Variants in ROR1 observed in about 807,000 individuals in gnomAD.
The protein encoded by ROR1 is ROR family WNT receptor 1.
Under a neutral mutation model 78.8 loss-of-function variants are expected in ROR1, and 19 were observed. The observed-to-expected ratio is 0.24, with a 90% CI of 0.17 to 0.35. The LOEUF is 0.35. ROR1 is among the 10% of genes least tolerant of loss of function. ROR1 has a pLI of 1.00. For synonymous variants in ROR1, 386 were observed against 433.6 expected, an observed-to-expected ratio of 0.89 and a Z score of 1.36; for missense variants, 917 against 1,177.8, an observed-to-expected ratio of 0.78 and a Z score of 3.24.
Position 64,140,253 on chromosome 1 carries a change from G to A in ROR1, c.755G>A (p.Cys252Tyr). 1 of 1,614,150 alleles carries A rather than the reference G, an allele frequency of 6.2e-7. No individual in the cohort carries two copies. The highest frequency in any genetic ancestry group is 1.1e-5 in the South Asian group (1 of 91,088). Residue 252 changes from cysteine to tyrosine, a missense_variant, in exon 6 of 9, where the codon TGT (cysteine) becomes TAT (tyrosine). Cys to Tyr is a radical substitution (Grantham distance 194). Around this residue, in one of 3 missense-constraint regions of ROR1, gnomAD observed 835 missense variants for 1,069.8 expected, o/e 0.78. Transcript: ENST00000371079. ...PKPRDLCRDE[C>Y]EILENVLCQT... is the part of the protein sequence containing the mutation. ...CCCCGTGACTTGTGTCGCGATGAAT[G>A]TGAAATCCTGGAGAATGTCCTGTGT...
chr1:63,956,365 G>C (rs1645982086), intron 1 of ROR1, among the ~76,000 whole-genome samples: 1 of 152,178 alleles, frequency 6.6e-6, no homozygotes, highest in Non-Finnish European at 1.5e-5. Context: ...AGCTGAAGAG[G>C]AAAGTGGATG....
intron 1 of ROR1, among the ~76,000 whole-genome samples, chr1:63,949,955 C>G (rs565196170): frequency 6.6e-6 from 1 of 152,066 alleles, no homozygotes; most frequent in Non-Finnish European, 1.5e-5. Flanking sequence ...TTGTCTTGAC[C>G]TTCGTTTTGT....
At chr1:63,805,355 G>A (rs1330381827) in intron 1 of ROR1, among the ~76,000 whole-genome samples, 2 of 152,146 alleles carry the variant, frequency 1.3e-5, no homozygotes, top group Non-Finnish European at 2.9e-5. Flanking sequence ...GCCTCTGTGG[G>A]ATTTGTTTTC....
intron 1 of ROR1, among the ~76,000 whole-genome samples, chr1:63,859,038 A>G (rs947012861): frequency 2.0e-5 from 3 of 152,216 alleles, no homozygotes; most frequent in Non-Finnish European, 4.4e-5. Context: ...ACCTTTGTAC[A>G]AACTGCCCCT....
At chr1:64,150,343 C>A (rs1037978729) in intron 7 of ROR1, among the ~76,000 whole-genome samples, 2 of 152,062 alleles carry the variant, frequency 1.3e-5, no homozygotes, top group Admixed American at 6.5e-5. Flanking sequence ...TGGCTTGCAA[C>A]AATTTGCCAA....
intron 1 of ROR1, among the ~76,000 whole-genome samples, chr1:63,817,423 C>T (rs891915921): frequency 2.0e-5 from 3 of 152,150 alleles, no homozygotes; most frequent in Non-Finnish European, 4.4e-5. Context: ...TAAACCATGC[C>T]AGTGTTTTGG....
intron 4 of ROR1, among the ~76,000 whole-genome samples, chr1:64,113,471 G>C (rs1165408502): frequency 2.0e-5 from 3 of 152,116 alleles, no homozygotes; most frequent in Non-Finnish European, 4.4e-5. Context: ...AAGTTAGTGT[G>C]GTCGTTAATG....
At chr1:64,058,151 A>G (rs979921073) in intron 4 of ROR1, among the ~76,000 whole-genome samples, 1 of 152,152 alleles carries the variant, frequency 6.6e-6, no homozygotes, top group African/African-American at 2.4e-5. Context: ...CTACATAGAG[A>G]TACAATTAAT....
chr1:64,014,740 C>CTA lies in ROR1; in HGVS notation c.163+5397_163+5398dup, dbSNP rs1208813882. On this transcript the variant is annotated intron_variant, in intron 2 of 8. Transcript: ENST00000371079. ...ATATATATATATACACATACGCACA[C>CTA]TATATATATATATATATATATATAT... is the stretch of plus-strand genomic sequence containing the variant. 7.3e-3 allele frequency among the ~76,000 whole-genome samples: 213 copies of CTA among 29,022 alleles called. 17 individuals are homozygous for CTA. The highest frequency in any genetic ancestry group is 0.02 in the South Asian group (7 of 356). The allele number at this position is 29,022 out of a possible 152,430, so 19.0% of individuals were successfully genotyped here. A position where few individuals can be genotyped will look rare whatever the true frequency, so the allele number is the denominator to read the frequency against.
intron 4 of ROR1, among the ~76,000 whole-genome samples, chr1:64,102,666 A>G (rs959575775): frequency 2.6e-5 from 4 of 152,254 alleles, no homozygotes; most frequent in Admixed American, 6.5e-5. Flanking sequence ...ACAGGTATCT[A>G]TCTCAAAGCC....
chr1:64,088,715 G>T (rs1212972344), intron 4 of ROR1, among the ~76,000 whole-genome samples: 5 of 152,082 alleles, frequency 3.3e-5, no homozygotes, highest in Admixed American at 3.3e-4. Flanking sequence ...CAGGCCCAGA[G>T]AAATATGACC....
intron 2 of ROR1, among the ~76,000 whole-genome samples, chr1:64,014,752 A>ACATACGCACAC (rs1646505528): frequency 3.1e-5 from 1 of 32,498 alleles, no homozygotes; most frequent in Non-Finnish European, 8.6e-5. Context: ...ATATATATAT[A>ACATACGCACAC]TATATATATA....
chr1:63,807,318 G>T (rs1644836095), intron 1 of ROR1, among the ~76,000 whole-genome samples: 2 of 152,334 alleles, frequency 1.3e-5, no homozygotes, highest in South Asian at 4.1e-4. Flanking sequence ...TTCAGTGCCT[G>T]TCTCTCTGGG....
chr1:63,976,202 T>G (rs1410064648), intron 1 of ROR1, among the ~76,000 whole-genome samples: 1 of 152,164 alleles, frequency 6.6e-6, no homozygotes, highest in African/African-American at 2.4e-5. Flanking sequence ...GGTTGGGTGA[T>G]CTTGTCTAAT....
intron 1 of ROR1, among the ~76,000 whole-genome samples, chr1:64,000,137 T>C (rs553592234): frequency 1.3e-5 from 2 of 151,526 alleles, no homozygotes; most frequent in Non-Finnish European, 2.9e-5. Flanking sequence ...GAAAGATGAG[T>C]AAGAAGAAAA....
At chr1:63,835,108 TA>T (rs749924129) in intron 1 of ROR1, among the ~76,000 whole-genome samples, 1 of 152,086 alleles carries the variant, frequency 6.6e-6, no homozygotes, top group Non-Finnish European at 1.5e-5. Flanking sequence ...CCTTCTTTCT[TA>T]ACCTCCCATA....
intron 4 of ROR1, among the ~76,000 whole-genome samples, chr1:64,088,044 C>T (rs561183816): frequency 6.6e-6 from 1 of 152,274 alleles, no homozygotes; most frequent in South Asian, 2.1e-4. Context: ...ACATTTCTGC[C>T]AGTTGTGGTT....
chr1:63,801,024 C>A (rs1451828856), intron 1 of ROR1, among the ~76,000 whole-genome samples: 1 of 151,448 alleles, frequency 6.6e-6, no homozygotes, highest in Non-Finnish European at 1.5e-5. Flanking sequence ...ATAGTAGGAA[C>A]TTAATAAATA....
At chr1:63,880,985 T>A (rs1193268617) in intron 1 of ROR1, among the ~76,000 whole-genome samples, 1 of 152,216 alleles carries the variant, frequency 6.6e-6, no homozygotes, top group East Asian at 1.9e-4. Flanking sequence ...TTACAAGTTC[T>A]GTTCTGTGTA....
Sources: allele counts gnomAD v4.1 joint callset (sites outside exome capture counted in the v4.1 genomes callset), GRCh38; gene constraint gnomAD v4.1.1; regional missense constraint gnomAD v4.1.1; transcripts MANE v1.5; gene names NCBI Gene and HGNC (gene_info 2026-07-23, HGNC 2026-07-21).